KCNH1: variants seen among roughly 807,000 people sequenced by gnomAD.
The protein encoded by KCNH1 is voltage-gated delayed rectifier potassium channel KCNH1.
Under a neutral mutation model 69.2 loss-of-function variants are expected in KCNH1, and 27 were observed. The observed-to-expected ratio is 0.39, with a 90% CI of 0.29 to 0.54. KCNH1 has a LOEUF of 0.54. Ranked by LOEUF, KCNH1 falls within the 20% of genes least tolerant of loss-of-function variation. KCNH1 has a pLI of 0.68. For synonymous variants in KCNH1, 456 were observed against 487.7 expected (o/e 0.93, Z 0.86); for missense variants, 798 against 1,261.6 (o/e 0.63, Z 5.57).
At chr1:211,023,572 A>T (rs1689629204) in intron 5 of KCNH1, among the ~76,000 whole-genome samples, 1 of 151,886 alleles carries the variant, frequency 6.6e-6, no homozygotes, top group Non-Finnish European at 1.5e-5. Context: ...CAAATACCAC[A>T]TGTTCCGCTC....
intron 7 of KCNH1, among the ~76,000 whole-genome samples, chr1:210,904,565 G>A (rs1388526680): frequency 2.0e-5 from 3 of 152,146 alleles, no homozygotes; most frequent in African/African-American, 4.8e-5. Flanking sequence ...CAGGCTGCAC[G>A]GAGACTGGCC....
chr1:211,097,168 A>C (rs1691172343), intron 3 of KCNH1, among the ~76,000 whole-genome samples: 1 of 152,222 alleles, frequency 6.6e-6, no homozygotes, highest in African/African-American at 2.4e-5. Flanking sequence ...CAGAAAGGAA[A>C]AACTGGATTA....
chr1:210,765,718 GAAGGA>G (rs1173109073), intron 10 of KCNH1, among the ~76,000 whole-genome samples: 2 of 152,160 alleles, frequency 1.3e-5, no homozygotes, highest in Non-Finnish European at 2.9e-5. Flanking sequence ...GAGGGACAAA[GAAGGA>G]AAGATGTCTC....
intron 7 of KCNH1, among the ~76,000 whole-genome samples, chr1:210,900,253 C>T (rs575141962): frequency 1.3e-5 from 2 of 152,316 alleles, no homozygotes; most frequent in African/African-American, 4.8e-5. Context: ...CATTCACGTA[C>T]CAAGGGAGCT....
At chr1:210,968,823 G>C (rs1226853895) in intron 6 of KCNH1, among the ~76,000 whole-genome samples, 2 of 151,968 alleles carry the variant, frequency 1.3e-5, no homozygotes, top group African/African-American at 4.8e-5. Context: ...TAGGTTGCCT[G>C]TTCACTCTGA....
intron 10 of KCNH1, among the ~76,000 whole-genome samples, chr1:210,692,265 C>T (rs1445707406): frequency 1.3e-5 from 2 of 152,154 alleles, no homozygotes; most frequent in Non-Finnish European, 2.9e-5. Context: ...TTTGACAGAC[C>T]AACCTGGGGC....
intron 1 of KCNH1, among the ~76,000 whole-genome samples, chr1:211,116,158 A>G (rs1033733445): frequency 4.5e-4 from 69 of 152,232 alleles, no homozygotes; most frequent in African/African-American, 1.4e-3. Context: ...CGAATCAATG[A>G]CATTTTTCAC....
chr1:211,040,582 T>G (rs1219473474), intron 5 of KCNH1, among the ~76,000 whole-genome samples: 4 of 152,288 alleles, frequency 2.6e-5, no homozygotes, highest in African/African-American at 9.6e-5. Context: ...CTCTTTTTCT[T>G]CCCAGTCTTG....
chr1:210,739,397 T>C (rs1244304620), intron 10 of KCNH1, among the ~76,000 whole-genome samples: 1 of 152,232 alleles, frequency 6.6e-6, no homozygotes, highest in Non-Finnish European at 1.5e-5. Flanking sequence ...TTCTGCATCA[T>C]AGCTTCTGGA....
At chr1:211,109,666 T>C (rs1691422177) in intron 1 of KCNH1, among the ~76,000 whole-genome samples, 1 of 152,074 alleles carries the variant, frequency 6.6e-6, no homozygotes, top group Non-Finnish European at 1.5e-5. Flanking sequence ...ACCACATATG[T>C]TTATTTTCTC....
At chr1:210,691,834 T>C (rs1398394015) in intron 10 of KCNH1, among the ~76,000 whole-genome samples, 1 of 152,160 alleles carries the variant, frequency 6.6e-6, no homozygotes, top group Non-Finnish European at 1.5e-5. Context: ...TTGATTAAGG[T>C]AAAAAAGAGG....
At chr1:211,114,007 C>T (rs1169153241) in intron 1 of KCNH1, among the ~76,000 whole-genome samples, 3 of 151,350 alleles carry the variant, frequency 2.0e-5, no homozygotes, top group African/African-American at 7.3e-5. Context: ...CACACACATA[C>T]ACACACACAC....
intron 7 of KCNH1, among the ~76,000 whole-genome samples, chr1:210,820,697 T>C (rs1192717039): frequency 1.3e-5 from 2 of 152,132 alleles, no homozygotes; most frequent in East Asian, 1.9e-4. Context: ...ATGAGAAGAT[T>C]ACTGTGGATT....
At chr1:210,872,334 C>A (rs563871937) in intron 7 of KCNH1, among the ~76,000 whole-genome samples, 1 of 152,210 alleles carries the variant, frequency 6.6e-6, no homozygotes, top group Non-Finnish European at 1.5e-5. Flanking sequence ...TATTCCCTAA[C>A]TACTAGCAAA....
In KCNH1 at chr1:211,121,981, C is replaced by CA. The variant is rs537513345; in HGVS notation, c.79+11885dup. ...AAACCCCGTCTCTACTAAAAAAATA[C>CA]AAAAAAATTAGCTGGACACGGTGGC... On this transcript the variant is annotated intron_variant, in intron 1 of 10. Transcript: ENST00000271751. Among the ~76,000 whole-genome samples, 121 of 152,050 alleles carry CA rather than the reference C, an allele frequency of 8.0e-4. 3 individuals are homozygous for CA. In the South Asian group the frequency reaches 0.015, roughly 19 times the overall value.
intron 1 of KCNH1, among the ~76,000 whole-genome samples, chr1:211,115,531 C>G (rs1691555883): frequency 6.6e-6 from 1 of 151,808 alleles, no homozygotes; most frequent in Non-Finnish European, 1.5e-5. Context: ...CAAGACTGCT[C>G]TAGCCTTCCA....
intron 6 of KCNH1, among the ~76,000 whole-genome samples, chr1:211,014,127 T>C (rs907022929): frequency 6.6e-6 from 1 of 152,146 alleles, no homozygotes; most frequent in African/African-American, 2.4e-5. Context: ...GCACCAGCAT[T>C]GTCACCTGGG....
intron 5 of KCNH1, among the ~76,000 whole-genome samples, chr1:211,022,427 A>G (rs1246378604): frequency 2.0e-5 from 3 of 152,200 alleles, no homozygotes; most frequent in Non-Finnish European, 2.9e-5. Flanking sequence ...AAAGATTTTT[A>G]AGGTAAACCT....
intron 6 of KCNH1, among the ~76,000 whole-genome samples, chr1:210,941,679 T>TC (rs1328267862): frequency 1.3e-5 from 2 of 152,082 alleles, no homozygotes; most frequent in Non-Finnish European, 2.9e-5. Context: ...CAAAGCTGGT[T>TC]CCCAAAAGAG....
Sources: gnomAD v4.1 joint callset for allele counts (sites outside exome capture counted in the v4.1 genomes callset) on GRCh38, gnomAD v4.1.1 for gene constraint, MANE v1.5 for transcripts, NCBI Gene and HGNC (gene_info 2026-07-23, HGNC 2026-07-21) for gene names.